Variants in CCDC172 observed in about 807,000 individuals in gnomAD.
CCDC172 encodes coiled-coil domain-containing protein 172.
CCDC172 carries 30 observed loss-of-function variants against 38.0 expected under a neutral mutation model. The ratio of observed to expected loss-of-function variants is 0.79; its 90% CI spans 0.59 to 1.07. CCDC172 has a LOEUF of 1.07. CCDC172 is among the 50% of genes least tolerant of loss of function. The pLI is 0.00. For missense variants in CCDC172, 297 were observed against 290.1 expected (o/e 1.02, Z -0.17); for synonymous variants, 78 against 88.3 (o/e 0.88, Z 0.66).
chr10:116,375,410 A>T (rs1845232780), intron 7 of CCDC172, among the ~76,000 whole-genome samples: 1 of 151,948 alleles, frequency 6.6e-6, no homozygotes, highest in African/African-American at 2.4e-5. Context: ...CCCATCATCT[A>T]CATTAGGTAT....
At chr10:116,369,529 T>C (rs1470665594) in intron 7 of CCDC172, among the ~76,000 whole-genome samples, 1 of 152,054 alleles carries the variant, frequency 6.6e-6, no homozygotes, top group Non-Finnish European at 1.5e-5. Context: ...GAATTCATTT[T>C]GTAATAGTTA....
chr10:116,354,526 C>A (rs1012966359), intron 5 of CCDC172, among the ~76,000 whole-genome samples: 7 of 152,020 alleles, frequency 4.6e-5, no homozygotes, highest in African/African-American at 1.7e-4. Flanking sequence ...GAGTTTGAGA[C>A]CAGCCTGGGC....
At chr10:116,339,754 A>G (rs188370327) in intron 3 of CCDC172, among the ~76,000 whole-genome samples, 1 of 152,028 alleles carries the variant, frequency 6.6e-6, no homozygotes, top group East Asian at 1.9e-4. Flanking sequence ...TAGCCATAAT[A>G]TTTCAAACTG....
Position 116,342,209 on chromosome 10 carries a change from TA to T in CCDC172, c.448+11del. 6.6e-7 allele frequency: 1 copy of T among 1,520,402 alleles called. No homozygotes were observed. The highest frequency in any genetic ancestry group is 8.7e-7 in the Non-Finnish European group (1 of 1,145,302). The allele number at this position is 1,520,402 out of a possible 1,614,324, so 94.2% of individuals were successfully genotyped here. A position where few individuals can be genotyped will look rare whatever the true frequency, so the allele number is the denominator to read the frequency against. On this transcript the variant is annotated intron_variant, in intron 5 of 8. Coordinates refer to ENST00000333254, the MANE Select transcript of CCDC172 (RefSeq NM_198515.3). ...CAAACATGTTGAAAAGTGGTATGAA[TA>T]AATATCACCTCATTTGTCTTGCATT...
At chr10:116,374,804 GAC>G (rs1289623052) in intron 7 of CCDC172, among the ~76,000 whole-genome samples, 9 of 150,750 alleles carry the variant, frequency 6.0e-5, no homozygotes, top group Non-Finnish European at 1.2e-4. Context: ...CCAAGTAAAA[GAC>G]AGATTATTAC....
intron 5 of CCDC172, among the ~76,000 whole-genome samples, 157 bp from the exon 6 acceptor site, chr10:116,357,223 C>T (rs1845007906): frequency 6.6e-6 from 1 of 152,006 alleles, no homozygotes; most frequent in African/African-American, 2.4e-5. Context: ...AACGTTAATT[C>T]TTCCAATCCA....
At chr10:116,356,388 G>GAGGAAGGAAGGAAGGAAGGA (rs542807297) in intron 5 of CCDC172, among the ~76,000 whole-genome samples, 2,314 of 144,110 alleles carry the variant, frequency 0.016, 94 homozygotes, top group East Asian at 0.1. Context: ...GGGAGGGAGG[G>GAGGAAGGAAGGAAGGAAGGA]AGGAAGGAAG....
intron 7 of CCDC172, among the ~76,000 whole-genome samples, chr10:116,370,681 A>G (rs537128346): frequency 4.6e-5 from 7 of 151,800 alleles, no homozygotes; most frequent in Admixed American, 1.3e-4. Flanking sequence ...TTTCCTAAAA[A>G]GAAAAAGATT....
At chr10:116,364,932 G>A (rs572039763) in intron 7 of CCDC172, among the ~76,000 whole-genome samples, 5 of 151,934 alleles carry the variant, frequency 3.3e-5, no homozygotes, top group Non-Finnish European at 5.9e-5. Context: ...TAATGATGCA[G>A]GAAATTATAA....
At chr10:116,340,949 T>C in intron 4 of CCDC172, 99 bp downstream of exon 4, 2 of 761,046 alleles carry the variant, frequency 2.6e-6, no homozygotes, top group South Asian at 3.0e-5. Context: ...CATGTGCATA[T>C]TAGCAGGTAG....
At chr10:116,362,385 T>C (rs1402698275) in intron 7 of CCDC172, among the ~76,000 whole-genome samples, 3 of 152,224 alleles carry the variant, frequency 2.0e-5, no homozygotes, top group Non-Finnish European at 4.4e-5. Context: ...TGCTATTATA[T>C]GGAGATGCCA....
At chr10:116,344,720 C>T (rs1266450229) in intron 5 of CCDC172, among the ~76,000 whole-genome samples, 1 of 152,088 alleles carries the variant, frequency 6.6e-6, no homozygotes, top group Admixed American at 6.6e-5. Context: ...AACTTTTTTA[C>T]TTTATAAACC....
chr10:116,376,067 A>G (rs1845240521), intron 7 of CCDC172, among the ~76,000 whole-genome samples: 1 of 152,214 alleles, frequency 6.6e-6, no homozygotes, highest in Admixed American at 6.5e-5. Context: ...CTAAAGACAC[A>G]TGCACACATA....
chr10:116,350,389 G>A (rs559122365), intron 5 of CCDC172, among the ~76,000 whole-genome samples: 6 of 152,274 alleles, frequency 3.9e-5, no homozygotes, highest in African/African-American at 1.2e-4. Context: ...TTTGAAGGTA[G>A]CAAGGAGGAT....
intron 7 of CCDC172, among the ~76,000 whole-genome samples, chr10:116,364,666 A>T (rs938204285): frequency 1.3e-4 from 20 of 152,220 alleles, no homozygotes; most frequent in Non-Finnish European, 1.5e-5. Flanking sequence ...TATATAGAAT[A>T]GCATTGAGCA....
intron 7 of CCDC172, among the ~76,000 whole-genome samples, chr10:116,372,011 G>A (rs1845191178): frequency 6.6e-6 from 1 of 151,978 alleles, no homozygotes; most frequent in Admixed American, 6.6e-5. Flanking sequence ...ATCACCCTTA[G>A]GCACCCTTTT....
At chr10:116,372,210 T>C (rs1845193511) in intron 7 of CCDC172, among the ~76,000 whole-genome samples, 1 of 152,142 alleles carries the variant, frequency 6.6e-6, no homozygotes, top group Non-Finnish European at 1.5e-5. Flanking sequence ...TTGAGAGGTC[T>C]TTTTTACATT....
At chr10:116,372,543 C>T (rs1248728894) in intron 7 of CCDC172, among the ~76,000 whole-genome samples, 3 of 152,044 alleles carry the variant, frequency 2.0e-5, no homozygotes, top group Admixed American at 6.6e-5. Context: ...GAATAATATG[C>T]TATGTATCCT....
intron 3 of CCDC172, among the ~76,000 whole-genome samples, chr10:116,339,324 C>T (rs1007948905): frequency 2.0e-5 from 3 of 151,836 alleles, no homozygotes; most frequent in Non-Finnish European, 4.4e-5. Flanking sequence ...CTTCTCTGGA[C>T]CTCATTTTAT....
Sources: gnomAD v4.1 joint callset for allele counts (sites outside exome capture counted in the v4.1 genomes callset) on GRCh38, gnomAD v4.1.1 for gene constraint, MANE v1.5 for transcripts, NCBI Gene and HGNC (gene_info 2026-07-23, HGNC 2026-07-21) for gene names.